Variants in NTM observed in about 807,000 individuals in gnomAD.
NTM encodes neurotrimin.
NTM carries 13 observed loss-of-function variants against 42.1 expected under a neutral mutation model. The observed-to-expected ratio is 0.31, with a 90% CI of 0.20 to 0.49. The LOEUF is 0.49. Ranked by LOEUF, NTM falls within the 20% of genes least tolerant of loss-of-function variation. The probability of loss-of-function intolerance (pLI) is 0.99; values close to 1 mark genes in which losing one functional copy is unlikely to be tolerated. For synonymous variants in NTM, 187 were observed against 179.2 expected (o/e 1.04, Z -0.35); for missense variants, 373 against 452.8 (o/e 0.82, Z 1.60).
At chr11:132,294,170 A>T (rs2094540304) in intron 4 of NTM, among the ~76,000 whole-genome samples, 2 of 152,074 alleles carry the variant, frequency 1.3e-5, no homozygotes, top group Admixed American at 6.5e-5. Context: ...CAAGCTTCTG[A>T]TTTACCTAAG....
chr11:131,466,425 G>A (rs1951904559), intron 1 of NTM, among the ~76,000 whole-genome samples: 1 of 152,184 alleles, frequency 6.6e-6, no homozygotes, highest in Admixed American at 6.5e-5. Context: ...AAGCATTTAA[G>A]TAACCTGATC....
chr11:131,650,051 TC>T (rs1249027264), intron 1 of NTM, among the ~76,000 whole-genome samples: 1 of 152,184 alleles, frequency 6.6e-6, no homozygotes, highest in Non-Finnish European at 1.5e-5. Context: ...GCATCACCCT[TC>T]TCACTGCCTC....
chr11:131,570,065 A>G (rs543515452), intron 1 of NTM, among the ~76,000 whole-genome samples: 1 of 152,178 alleles, frequency 6.6e-6, no homozygotes, highest in Non-Finnish European at 1.5e-5. Context: ...TTCTTCCCAG[A>G]TATCATTTAT....
At chr11:131,389,012 C>CAAAAA (rs71475749) in intron 1 of NTM, among the ~76,000 whole-genome samples, 1 of 98,274 alleles carries the variant, frequency 1.0e-5, no homozygotes, top group African/African-American at 3.8e-5. Context: ...GACTTCATCA[C>CAAAAA]AAAAAAAAAA....
chr11:131,892,442 C>G (rs1189598952), intron 1 of NTM, among the ~76,000 whole-genome samples: 1 of 152,236 alleles, frequency 6.6e-6, no homozygotes. Flanking sequence ...CATCACTCCT[C>G]TCAGCTGTGT....
chr11:131,511,732 T>G (rs114538181), intron 1 of NTM, among the ~76,000 whole-genome samples: 234 of 152,310 alleles, frequency 1.5e-3, no homozygotes, highest in African/African-American at 4.9e-3. Context: ...GTCCTCCACC[T>G]CCTTTCTGTG....
chr11:131,389,225 C>T (rs1943715514), intron 1 of NTM, among the ~76,000 whole-genome samples: 1 of 152,122 alleles, frequency 6.6e-6, no homozygotes, highest in Non-Finnish European at 1.5e-5. Context: ...GGGCAGGTTC[C>T]CTGCAGCCAC....
intron 1 of NTM, among the ~76,000 whole-genome samples, chr11:131,733,051 A>G (rs1219948669): frequency 6.6e-6 from 1 of 152,196 alleles, no homozygotes; most frequent in African/African-American, 2.4e-5. Flanking sequence ...ATTGTTGATC[A>G]TTAAGATAAT....
intron 4 of NTM, among the ~76,000 whole-genome samples, chr11:132,220,596 A>G (rs1398907694): frequency 6.6e-6 from 1 of 152,224 alleles, no homozygotes; most frequent in African/African-American, 2.4e-5. Context: ...GCAGGAGTGC[A>G]TACCACAGAC....
intron 1 of NTM, among the ~76,000 whole-genome samples, chr11:131,505,184 T>C (rs903798311): frequency 6.8e-6 from 1 of 147,396 alleles, no homozygotes. Context: ...GATTTGATGA[T>C]GTCTCTGTGA....
intron 2 of NTM, among the ~76,000 whole-genome samples, chr11:131,975,545 G>GA (rs138674879): frequency 0.15 from 23,075 of 151,534 alleles, 2,102 homozygotes; most frequent in East Asian, 0.47. Context: ...GGGGAGGGGG[G>GA]AAAAAAAACC....
intron 2 of NTM, among the ~76,000 whole-genome samples, chr11:132,063,511 T>C (rs564602216): frequency 6.6e-6 from 1 of 152,300 alleles, no homozygotes; most frequent in African/African-American, 2.4e-5. Flanking sequence ...AAAATAGTGG[T>C]GGATTCCAAT....
At chr11:131,494,385 G>A (rs1394915524) in intron 1 of NTM, among the ~76,000 whole-genome samples, 1 of 152,148 alleles carries the variant, frequency 6.6e-6, no homozygotes, top group Non-Finnish European at 1.5e-5. Context: ...AACGTGCCAT[G>A]GAATATAAAA....
In NTM at chr11:131,564,443, GGGGAGAGAGAGAGGGA is replaced by G. The variant is rs140500501; in HGVS notation, c.82+193569_82+193584del. Among the ~76,000 whole-genome samples, 1,384 of 146,340 alleles carry G rather than the reference GGGGAGAGAGAGAGGGA, an allele frequency of 9.5e-3. 23 individuals are homozygous for G. Among genetic ancestry groups the G allele is most frequent in the South Asian group, 7.8e-3 (37 of 4,740 alleles). On this transcript the variant is annotated intron_variant, in intron 1 of 8. Transcript: ENST00000683400. ...CATAGTAGAGGGATAGGGTGGGTAG[GGGGAGAGAGAGAGGGA>G]GGGAGAGAGAGAGAGCAGGCTCTTT... is the stretch of plus-strand genomic sequence containing the variant.
chr11:131,595,436 A>G (rs1168576780), intron 1 of NTM, among the ~76,000 whole-genome samples: 1 of 152,238 alleles, frequency 6.6e-6, no homozygotes, highest in South Asian at 2.1e-4. Flanking sequence ...TAAATAGTGA[A>G]GAAAGATGTG....
At chr11:132,053,380 G>A (rs2079135757) in intron 2 of NTM, among the ~76,000 whole-genome samples, 1 of 152,172 alleles carries the variant, frequency 6.6e-6, no homozygotes, top group South Asian at 2.1e-4. Context: ...ACGGATCCAG[G>A]CACAGAACTC....
intron 2 of NTM, among the ~76,000 whole-genome samples, chr11:132,133,974 A>T (rs757608128): frequency 2.4e-4 from 36 of 152,128 alleles, no homozygotes; most frequent in Non-Finnish European, 4.4e-4. Context: ...ACCTTTAAAC[A>T]TCTGCCCCAG....
chr11:131,802,392 T>C (rs1331880965), intron 1 of NTM, among the ~76,000 whole-genome samples: 1 of 152,224 alleles, frequency 6.6e-6, no homozygotes, highest in East Asian at 1.9e-4. Flanking sequence ...TGCCATTTAC[T>C]CTCCCTCAGA....
At chr11:131,434,222 A>C (rs1251900020) in intron 1 of NTM, among the ~76,000 whole-genome samples, 1 of 152,222 alleles carries the variant, frequency 6.6e-6, no homozygotes, top group East Asian at 1.9e-4. Context: ...AGTCTTTGCT[A>C]TCATGAATAG....
Sources: allele counts gnomAD v4.1 joint callset (sites outside exome capture counted in the v4.1 genomes callset), GRCh38; gene constraint gnomAD v4.1.1; transcripts MANE v1.5; gene names NCBI Gene and HGNC (gene_info 2026-07-23, HGNC 2026-07-21).